The following DNM3 variants were observed in gnomAD, a reference collection of about 807,000 sequenced individuals.
DNM3 encodes the protein dynamin 3.
Under a neutral mutation model 101.6 loss-of-function variants are expected in DNM3, and 47 were observed. That is an observed-to-expected ratio of 0.46 (90% CI 0.37 to 0.59). DNM3 has a LOEUF of 0.59. Among genes scored for constraint, DNM3 ranks in the 20% least tolerant of loss-of-function variants. DNM3 has a pLI of 0.00. For synonymous variants in DNM3, 385 were observed against 387.9 expected (o/e 0.99, Z 0.09); for missense variants, 849 against 1,085.7 (o/e 0.78, Z 3.06).
In DNM3 at chr1:171,867,374, G is replaced by A. The variant is rs562981350; in HGVS notation, c.161+25557G>A. Among the ~76,000 whole-genome samples the A allele has an allele frequency of 5.3e-5, 8 of 152,288 alleles. No individual in the cohort carries two copies. In the South Asian group the frequency reaches 1.7e-3, roughly 32 times the overall value. ...CACTAAAAATTTGTATTTTAATATGGCTGTTCGTGCTTCAAACCTCACATA... is the reference window on the plus strand; with the variant it reads ...CACTAAAAATTTGTATTTTAATATGACTGTTCGTGCTTCAAACCTCACATA... On this transcript the variant is annotated intron_variant, in intron 1 of 20. Transcript: ENST00000627582.
chr1:171,958,921 T>C (rs2043032436), intron 2 of DNM3, among the ~76,000 whole-genome samples: 2 of 152,350 alleles, frequency 1.3e-5, no homozygotes, highest in East Asian at 1.9e-4. Context: ...GAATATTATG[T>C]AGCAGTAAAA....
chr1:172,130,274 A>G (rs1307925848), intron 13 of DNM3, among the ~76,000 whole-genome samples: 1 of 152,160 alleles, frequency 6.6e-6, no homozygotes, highest in East Asian at 1.9e-4. Context: ...ATCCAATTGC[A>G]TTTAGCATTT....
At chr1:171,889,366 G>C (rs988920259) in intron 1 of DNM3, among the ~76,000 whole-genome samples, 1 of 151,960 alleles carries the variant, frequency 6.6e-6, no homozygotes, top group Non-Finnish European at 1.5e-5. Context: ...AAAAACCATG[G>C]ACTATATTTA....
chr1:171,873,975 C>A (rs1431278107), intron 1 of DNM3, among the ~76,000 whole-genome samples: 2 of 152,092 alleles, frequency 1.3e-5, no homozygotes, highest in African/African-American at 4.8e-5. Flanking sequence ...GTTGCTTGAA[C>A]ACAGGAAAGG....
At chr1:172,061,637 G>A (rs1483399940) in intron 10 of DNM3, among the ~76,000 whole-genome samples, 2 of 145,818 alleles carry the variant, frequency 1.4e-5, no homozygotes, top group South Asian at 2.2e-4. Flanking sequence ...TCATAGGTGG[G>A]AATTGAACAA....
intron 17 of DNM3, among the ~76,000 whole-genome samples, chr1:172,335,493 A>G (rs2066379360): frequency 6.6e-6 from 1 of 152,230 alleles, no homozygotes; most frequent in Non-Finnish European, 1.5e-5. Context: ...ACATGCTTTC[A>G]TATGTTCATT....
At chr1:171,880,772 G>C (rs947924711) in intron 1 of DNM3, among the ~76,000 whole-genome samples, 37 of 151,838 alleles carry the variant, frequency 2.4e-4, no homozygotes, top group African/African-American at 8.7e-4. Context: ...TAGATTTTTT[G>C]GTTTGTTTAT....
chr1:172,178,264 A>G (rs774454008), intron 14 of DNM3, among the ~76,000 whole-genome samples: 2 of 151,980 alleles, frequency 1.3e-5, no homozygotes. Flanking sequence ...GGCTGTAATA[A>G]GAAGAAGAAA....
intron 14 of DNM3, among the ~76,000 whole-genome samples, chr1:172,217,886 C>T (rs1289724499): frequency 6.6e-6 from 1 of 152,102 alleles, no homozygotes; most frequent in Non-Finnish European, 1.5e-5. Flanking sequence ...ATATTTTAAA[C>T]TAGAATGGTT....
At position 172,303,541 on chromosome 1, in the gene DNM3, A is replaced by G. The variant is rs572208454; in HGVS notation, c.1770-5187A>G. On this transcript the variant is annotated intron_variant, in intron 15 of 20. Transcript: ENST00000627582. ...GAAATACAGAGAACACCACAAAGAT[A>G]CTCCTTGAGAAGAGCAACCCCAAGA... Among the ~76,000 whole-genome samples, 4 of 152,194 alleles carry G rather than the reference A, an allele frequency of 2.6e-5. No homozygotes were observed. In the South Asian group the frequency reaches 8.3e-4, roughly 32 times the overall value.
intron 4 of DNM3, among the ~76,000 whole-genome samples, chr1:172,019,351 G>A (rs891915676): frequency 6.6e-6 from 1 of 150,906 alleles, no homozygotes; most frequent in African/African-American, 2.4e-5. Flanking sequence ...TGCATGGTTT[G>A]TGAGGAAAAT....
intron 2 of DNM3, among the ~76,000 whole-genome samples, chr1:171,924,896 C>CT (rs200557212): frequency 8.0e-5 from 12 of 149,852 alleles, no homozygotes; most frequent in Admixed American, 2.0e-4. Context: ...CCTTTGCCCA[C>CT]TTTTTTTTTT....
intron 4 of DNM3, among the ~76,000 whole-genome samples, chr1:171,995,136 G>C (rs1484661610): frequency 4.5e-5 from 4 of 88,142 alleles, no homozygotes; most frequent in Non-Finnish European, 4.1e-5. Context: ...TGGAGTTTTT[G>C]CTCTTGCTGC....
chr1:172,101,031 A>T (rs1444574218), intron 13 of DNM3, among the ~76,000 whole-genome samples: 1 of 152,226 alleles, frequency 6.6e-6, no homozygotes, highest in Non-Finnish European at 1.5e-5. Context: ...TGATTGACTT[A>T]GGCCACATCA....
intron 14 of DNM3, among the ~76,000 whole-genome samples, chr1:172,236,271 G>A (rs1282101486): frequency 1.3e-5 from 2 of 152,052 alleles, no homozygotes; most frequent in African/African-American, 2.4e-5. Context: ...TAAATAAGAC[G>A]TGCCATGTCT....
chr1:172,054,682 G>A (rs2050451023), intron 10 of DNM3, among the ~76,000 whole-genome samples: 1 of 152,170 alleles, frequency 6.6e-6, no homozygotes. Flanking sequence ...GAAAGGGCCA[G>A]GCGAGGTGGC....
chr1:172,177,699 CTG>C (rs1278759319), intron 14 of DNM3, among the ~76,000 whole-genome samples: 3 of 151,804 alleles, frequency 2.0e-5, no homozygotes, highest in African/African-American at 7.3e-5. Context: ...AGATACCTAA[CTG>C]TGTGTTATAA....
chr1:172,066,987 T>C (rs28497270), intron 10 of DNM3, among the ~76,000 whole-genome samples: 12 of 152,080 alleles, frequency 7.9e-5, no homozygotes, highest in Middle Eastern at 3.4e-3. Context: ...TGTGTGTGTG[T>C]GCGCGCGTGC....
chr1:172,062,915 A>T (rs2051356417), intron 10 of DNM3, among the ~76,000 whole-genome samples: 1 of 152,222 alleles, frequency 6.6e-6, no homozygotes, highest in Non-Finnish European at 1.5e-5. Context: ...GAATAAATAC[A>T]ACACTATGCT....
Sources: allele counts gnomAD v4.1 joint callset (sites outside exome capture counted in the v4.1 genomes callset), GRCh38; gene constraint gnomAD v4.1.1; transcripts MANE v1.5; gene names NCBI Gene and HGNC (gene_info 2026-07-23, HGNC 2026-07-21).